Variants in SGCD observed in about 807,000 individuals in gnomAD.
SGCD encodes sarcoglycan delta, also known as delta-sarcoglycan.
In SGCD, 18 loss-of-function variants were observed where a neutral mutation model predicts 36.6. That is an observed-to-expected ratio of 0.49 (90% confidence interval 0.34 to 0.73). The LOEUF (loss-of-function observed/expected upper bound fraction) is 0.73. SGCD is among the 30% of genes least tolerant of loss of function. The pLI is 0.01. For synonymous variants in SGCD, 133 were observed against 130.6 expected, an observed-to-expected ratio of 1.02 and a Z score of -0.12; for missense variants, 387 against 346.7, an observed-to-expected ratio of 1.12 and a Z score of -0.92.
At chr5:155,904,344 T>A (rs948392231) in intron 1 of SGCD, among the ~76,000 whole-genome samples, 4 of 152,204 alleles carry the variant, frequency 2.6e-5, no homozygotes, top group African/African-American at 9.6e-5. Flanking sequence ...ACCTCATTTG[T>A]AAAAATTGTG....
At chr5:155,933,391 T>C (rs1169496431) in intron 1 of SGCD, among the ~76,000 whole-genome samples, 5 of 152,228 alleles carry the variant, frequency 3.3e-5, no homozygotes, top group Admixed American at 3.3e-4. Context: ...TACTTGTTTA[T>C]TTTGATTATT....
chr5:156,477,686 A>C (rs368712510), intron 3 of SGCD, among the ~76,000 whole-genome samples: 5,352 of 37,256 alleles, frequency 0.14, 112 homozygotes, highest in East Asian at 0.31. Context: ...GTATTTGAGC[A>C]AAAAAAAAAA....
At chr5:156,636,208 T>C (rs1346209415) in intron 6 of SGCD, among the ~76,000 whole-genome samples, 1 of 152,180 alleles carries the variant, frequency 6.6e-6, no homozygotes, top group Non-Finnish European at 1.5e-5. Flanking sequence ...ACCATTTAAC[T>C]ACAGGCTTAC....
the SGCD span, among the ~76,000 whole-genome samples, chr5:155,820,011 G>A: frequency 6.6e-6 from 1 of 152,166 alleles, no homozygotes; most frequent in Admixed American, 6.5e-5. Flanking sequence ...GAATTCGGAG[G>A]TGGATAGATG....
At chr5:156,377,079 A>G (rs2127744533) in intron 3 of SGCD, among the ~76,000 whole-genome samples, 1 of 152,230 alleles carries the variant, frequency 6.6e-6, no homozygotes, top group African/African-American at 2.4e-5. Flanking sequence ...CAGAGAAAAA[A>G]AAGTCATGTA....
At chr5:156,196,532 GA>G (rs897803118) in intron 3 of SGCD, among the ~76,000 whole-genome samples, 36 of 151,540 alleles carry the variant, frequency 2.4e-4, no homozygotes, top group African/African-American at 8.5e-4. Flanking sequence ...AAAAATGAAG[GA>G]AAAAAAAGAC....
intron 7 of SGCD, among the ~76,000 whole-genome samples, chr5:156,741,509 A>G (rs1158304866): frequency 6.6e-6 from 1 of 150,796 alleles, no homozygotes; most frequent in African/African-American, 2.5e-5. Context: ...TGAATGCAGA[A>G]ATGTGCCACG....
chr5:156,208,396 T>C (rs1323997520), intron 3 of SGCD, among the ~76,000 whole-genome samples: 13 of 152,380 alleles, frequency 8.5e-5, no homozygotes, highest in East Asian at 1.9e-4. Flanking sequence ...GTTCTCTGCA[T>C]CTTCTGCCTT....
intron 1 of SGCD, among the ~76,000 whole-genome samples, chr5:156,003,679 C>G (rs1758705043): frequency 6.6e-6 from 1 of 152,166 alleles, no homozygotes. Flanking sequence ...GTCAAAGCAG[C>G]TTTTGAACTG....
At chr5:156,587,259 G>T (rs190137382) in intron 4 of SGCD, among the ~76,000 whole-genome samples, 3 of 152,190 alleles carry the variant, frequency 2.0e-5, no homozygotes, top group Admixed American at 2.0e-4. Context: ...GCCACGCTAA[G>T]AGTTCAAAGC....
chr5:156,474,789 C>A (rs1195063911), intron 3 of SGCD, among the ~76,000 whole-genome samples: 2 of 152,108 alleles, frequency 1.3e-5, no homozygotes, highest in Middle Eastern at 3.4e-3. Flanking sequence ...GTTAGTTTGG[C>A]CTATTTTGCC....
At chr5:156,146,191 C>T (rs560949327) in intron 3 of SGCD, among the ~76,000 whole-genome samples, 10 of 152,120 alleles carry the variant, frequency 6.6e-5, no homozygotes, top group Non-Finnish European at 1.2e-4. Flanking sequence ...CCAGCCTGGG[C>T]GACAGAGCGA....
At chr5:156,380,777 G>T (rs767182700) in intron 3 of SGCD, among the ~76,000 whole-genome samples, 16 of 152,210 alleles carry the variant, frequency 1.1e-4, no homozygotes, top group Non-Finnish European at 1.8e-4. Flanking sequence ...TTGATATCAA[G>T]TGTGTAGTGC....
At chr5:155,904,380 G>A (rs1448453841) in intron 1 of SGCD, among the ~76,000 whole-genome samples, 1 of 152,088 alleles carries the variant, frequency 6.6e-6, no homozygotes, top group East Asian at 1.9e-4. Flanking sequence ...CATAAAATTA[G>A]CCATTTAAAC....
At chr5:156,375,849 C>T (rs1237325452) in intron 3 of SGCD, among the ~76,000 whole-genome samples, 1 of 152,100 alleles carries the variant, frequency 6.6e-6, no homozygotes, top group Non-Finnish European at 1.5e-5. Flanking sequence ...ATTTTGGAAA[C>T]TCTGCTATAT....
At chr5:156,101,275 G>C (rs1033087562) in intron 1 of SGCD, among the ~76,000 whole-genome samples, 1 of 152,226 alleles carries the variant, frequency 6.6e-6, no homozygotes, top group Non-Finnish European at 1.5e-5. Context: ...TGCAAGAGCA[G>C]ACAGTGGGCT....
chr5:155,886,873 C>G (rs1395598617), intron 1 of SGCD, among the ~76,000 whole-genome samples: 1 of 152,186 alleles, frequency 6.6e-6, no homozygotes, highest in Non-Finnish European at 1.5e-5. Context: ...TCAGAAGGGG[C>G]TGCCAAGTGA....
At chr5:155,774,181 C>T in the SGCD span, among the ~76,000 whole-genome samples, 3 of 152,104 alleles carry the variant, frequency 2.0e-5, no homozygotes, top group African/African-American at 7.2e-5. Context: ...TGGGTCACTT[C>T]AGGATATTTT....
intron 1 of SGCD, among the ~76,000 whole-genome samples, chr5:156,083,846 G>A (rs184602804): frequency 2.0e-5 from 3 of 150,910 alleles, no homozygotes; most frequent in Non-Finnish European, 4.4e-5. Context: ...TCAATGTCCC[G>A]TTGCTCCAGT....
Sources: gnomAD v4.1 joint callset for allele counts (sites outside exome capture counted in the v4.1 genomes callset) on GRCh38, gnomAD v4.1.1 for gene constraint, MANE v1.5 for transcripts, NCBI Gene and HGNC (gene_info 2026-07-23, HGNC 2026-07-21) for gene names.